Variants in PRICKLE1 observed in about 807,000 individuals in gnomAD.
PRICKLE1 encodes the protein prickle planar cell polarity protein 1, also known as prickle-like protein 1.
In PRICKLE1, 14 loss-of-function variants were observed where a neutral mutation model predicts 70.2. The observed-to-expected ratio is 0.20, with a 90% confidence interval of 0.13 to 0.31. PRICKLE1 has a LOEUF of 0.31. Ranked by LOEUF, PRICKLE1 falls within the 10% of genes least tolerant of loss-of-function variation. The probability of loss-of-function intolerance (pLI) is 1.00; values close to 1 mark genes in which losing one functional copy is unlikely to be tolerated. For missense variants in PRICKLE1, 821 were observed against 1,026.2 expected, an observed-to-expected ratio of 0.80 and a Z score of 2.73; for synonymous variants, 357 against 379.9, an observed-to-expected ratio of 0.94 and a Z score of 0.70.
intron 1 of PRICKLE1, among the ~76,000 whole-genome samples, chr12:42,572,205 G>A (rs902036083): frequency 7.9e-5 from 12 of 152,080 alleles, no homozygotes; most frequent in African/African-American, 1.4e-4. Context: ...AGGCCGAGGC[G>A]GGCGGATTAC....
intron 1 of PRICKLE1, among the ~76,000 whole-genome samples, chr12:42,532,575 T>G (rs1939938001): frequency 6.6e-6 from 1 of 152,210 alleles, no homozygotes. Context: ...TAAAAATTAG[T>G]AATGAGATAT....
rs1937686717 is a variant in PRICKLE1, at chr12:42,459,081, T to A, written c.*728A>T. The A allele has an allele frequency of 2.2e-6, 1 of 452,740 alleles. No homozygotes were observed. The highest frequency in any genetic ancestry group is 3.4e-5 in the Admixed American group (1 of 29,216). The allele number at this position is 452,740 out of a possible 1,614,324, so 28.0% of individuals were successfully genotyped here. ...ATAAGCAATCAGTTCATCCATAAAT[T>A]CTGGTTCCCTGGCAAATCTAGCACT... On this transcript the variant is annotated 3_prime_UTR_variant, in exon 8 of 8. Coordinates refer to ENST00000345127, the MANE Select transcript of PRICKLE1 (RefSeq NM_153026.3).
At position 42,470,375 on chromosome 12, in the gene PRICKLE1, T is replaced by C; in HGVS notation, c.133-16A>G. The C allele has an allele frequency of 6.7e-7, 1 of 1,487,916 alleles. No homozygotes were observed. The highest frequency in any genetic ancestry group is 9.4e-7 in the Non-Finnish European group (1 of 1,065,150). 92.2% of individuals were successfully genotyped at this position (1,487,916 alleles called of 1,614,324 possible). A position where few individuals can be genotyped will look rare whatever the true frequency, so the allele number is the denominator to read the frequency against. On this transcript the variant is annotated splice_polypyrimidine_tract_variant and intron_variant, in intron 2 of 7. Transcript: ENST00000345127. ...AGAGCTGGATCTGCAAAAGAGACAG[T>C]GAGAATGGCATCAACATACAGAACT...
rs556311726 is a variant in PRICKLE1 at position 42,464,631 on chromosome 12, T to C, written c.1403A>G (p.Gln468Arg). 2 of 1,614,044 alleles carry C rather than the reference T, an allele frequency of 1.2e-6. No individual in the cohort carries two copies. Among genetic ancestry groups the C allele is most frequent in the African/African-American group, 2.7e-5 (2 of 75,000 alleles). The change falls in exon 7 of 8, where the codon CAG becomes CGG. Residue 468 changes from glutamine (Q) to arginine (R), a missense_variant. Coordinates refer to ENST00000345127, the MANE Select transcript of PRICKLE1 (RefSeq NM_153026.3). The surrounding 1 kb of genome is among the most constrained non-coding windows in gnomAD (Gnocchi z 4.2). ...TGACTGTGCCCAGTACATATCAGAC[T>C]GGTATTTTTTACTTGCAAGGCTCTG... ...NNQSLASKKY[Q>R]SDMYWAQSQD... is the part of the protein sequence containing the mutation.
intron 1 of PRICKLE1, among the ~76,000 whole-genome samples, chr12:42,586,888 T>C (rs956478516): frequency 3.3e-5 from 5 of 152,230 alleles, no homozygotes; most frequent in African/African-American, 1.2e-4. Flanking sequence ...TTTTTTGGTC[T>C]TTTCAGAATT....
At chr12:42,537,247 C>G (rs117791595) in intron 1 of PRICKLE1, among the ~76,000 whole-genome samples, 2 of 151,986 alleles carry the variant, frequency 1.3e-5, no homozygotes, top group Non-Finnish European at 2.9e-5. Flanking sequence ...TAGCCTCAAC[C>G]TCCTGAGCTC....
chr12:42,533,041 T>C (rs1355021693), intron 1 of PRICKLE1, among the ~76,000 whole-genome samples: 4 of 152,160 alleles, frequency 2.6e-5, no homozygotes, highest in Non-Finnish European at 5.9e-5. Context: ...TAGATAAGGC[T>C]TAGATCTAGA....
rs1247867487 is a variant in PRICKLE1 at position 42,457,523 on chromosome 12, C to CA, written c.*2285dup. 2 of 152,116 alleles carry CA rather than the reference C, an allele frequency of 1.3e-5. No individual in the cohort carries two copies. The highest frequency in any genetic ancestry group is 4.8e-5 in the African/African-American group (2 of 41,424). The allele number at this position is 152,116 out of a possible 1,614,324, so 9.4% of individuals were successfully genotyped here. On this transcript the variant is annotated 3_prime_UTR_variant, in exon 8 of 8. Transcript: ENST00000345127. ...TCATTTACATTACATTAATGTAAAT[C>CA]AGGAGAATTTCTTTTGGAGGAAAAT... is the stretch of plus-strand genomic sequence containing the variant.
chr12:42,506,921 G>A (rs7307491), intron 1 of PRICKLE1, among the ~76,000 whole-genome samples: 87,305 of 151,746 alleles, frequency 0.58, 25,446 homozygotes, highest in East Asian at 0.72. Context: ...CAAAACCTTT[G>A]AATATTATGG....
At chr12:42,557,016 T>C (rs1592026505) in intron 1 of PRICKLE1, among the ~76,000 whole-genome samples, 1 of 151,568 alleles carries the variant, frequency 6.6e-6, no homozygotes, top group African/African-American at 2.4e-5. Flanking sequence ...AAGAGGCAGG[T>C]TCTTACCATC....
At chr12:42,541,815 T>C (rs959974583) in intron 1 of PRICKLE1, among the ~76,000 whole-genome samples, 3 of 152,218 alleles carry the variant, frequency 2.0e-5, no homozygotes, top group African/African-American at 7.2e-5. Flanking sequence ...AGGCTGACCT[T>C]TCCTTGAAGG....
chr12:42,508,079 A>G (rs936516144), intron 1 of PRICKLE1, among the ~76,000 whole-genome samples: 2 of 152,158 alleles, frequency 1.3e-5, no homozygotes, highest in African/African-American at 2.4e-5. Context: ...CCATTTTTAT[A>G]TTTTTAAGAA....
intron 1 of PRICKLE1, among the ~76,000 whole-genome samples, chr12:42,485,197 C>T (rs1051612880): frequency 1.3e-5 from 2 of 148,258 alleles, no homozygotes; most frequent in African/African-American, 2.5e-5. Context: ...CACTCTGTGG[C>T]CAAATTCTGT....
rs144810801 is a variant in PRICKLE1, at chr12:42,552,111, G to A, written c.-49+37354C>T. Among the ~76,000 whole-genome samples the A allele has an allele frequency of 3.0e-3, 440 of 146,372 alleles. 2 individuals are homozygous for A. Among genetic ancestry groups the A allele is most frequent in the African/African-American group, 0.011 (413 of 39,236 alleles). On this transcript the variant is annotated intron_variant, in intron 1 of 7. Coordinates refer to ENST00000345127, the MANE Select transcript of PRICKLE1 (RefSeq NM_153026.3). Reference sequence around the variant, plus strand: ...AGACAGGCTCTCACTCTGTTGTCTAGGCTGGAGTGCAGTTATGCAACCTCG... The same window carrying A: ...AGACAGGCTCTCACTCTGTTGTCTAAGCTGGAGTGCAGTTATGCAACCTCG...
intron 1 of PRICKLE1, among the ~76,000 whole-genome samples, chr12:42,529,993 C>T (rs1418481728): frequency 6.7e-6 from 1 of 149,284 alleles, no homozygotes; most frequent in Non-Finnish European, 1.5e-5. Flanking sequence ...GTCATCCAGG[C>T]TGGAGTGCAG....
At chr12:42,498,538 T>C (rs1012330380) in intron 1 of PRICKLE1, among the ~76,000 whole-genome samples, 3 of 152,196 alleles carry the variant, frequency 2.0e-5, no homozygotes, top group Admixed American at 6.5e-5. Context: ...ATTCCAGCAC[T>C]TTCAGAGGCT....
chr12:42,559,935 T>C (rs190921618), intron 1 of PRICKLE1, among the ~76,000 whole-genome samples: 10 of 152,032 alleles, frequency 6.6e-5, no homozygotes, highest in Admixed American at 5.2e-4. Context: ...ACACAAATTA[T>C]AGGCAAATGA....
intron 1 of PRICKLE1, among the ~76,000 whole-genome samples, chr12:42,542,681 T>C (rs2120607342): frequency 6.6e-6 from 1 of 152,264 alleles, no homozygotes; most frequent in South Asian, 2.1e-4. Flanking sequence ...GTTTTGCCTT[T>C]GTTGTATTAA....
In PRICKLE1 at chr12:42,460,352, C is replaced by G. The variant is rs766992928; in HGVS notation, c.1953G>C (p.Pro651=). 1.9e-6 allele frequency: 3 copies of G among 1,613,992 alleles called. No individual in the cohort carries two copies. The African/African-American group carries it at 4.0e-5, about 22-fold the overall frequency. The change falls in exon 8 of 8, where the codon CCG becomes CCC. Residue 651 remains proline, a synonymous_variant. Transcript: ENST00000345127. ...CGCGTCTCCGAGTCCTTTCACTCAT[C>G]GGAGGCTGCCGGATTTCAATGTCAT... ...GNYDIEIRQP[P]MSERTRRRVY...
Sources: allele counts gnomAD v4.1 joint callset (sites outside exome capture counted in the v4.1 genomes callset), GRCh38; gene constraint gnomAD v4.1.1; non-coding constraint Gnocchi (gnomAD v3.1); transcripts MANE v1.5; gene names NCBI Gene and HGNC (gene_info 2026-07-23, HGNC 2026-07-21).